The following JADE3 variants were observed in gnomAD, a reference collection of about 807,000 sequenced individuals.
JADE3 encodes protein Jade-3.
In JADE3, 2 loss-of-function variants were observed where a neutral mutation model predicts 50.1. The observed-to-expected ratio is 0.04, with a 90% CI of 0.02 to 0.13. The LOEUF is 0.13. JADE3 is among the 10% of genes least tolerant of loss of function. The pLI, the probability that JADE3 is intolerant of heterozygous loss-of-function variation, is 1.00. For missense variants in JADE3, 475 were observed against 634.4 expected (o/e 0.75, Z 2.70); for synonymous variants, 218 against 232.9 (o/e 0.94, Z 0.58).
Position 46,934,084 on chromosome X carries a change from T to C in JADE3, c.-12+21365T>C, listed in dbSNP as rs191859920. ...TTGATTTATCAGCAAATATTTTTTG[T>C]ATGTAACTTGGCTTTTCATTGTCTT... On this transcript the variant is annotated intron_variant, in intron 1 of 10. Coordinates refer to ENST00000614628, the MANE Select transcript of JADE3 (RefSeq NM_014735.5). Among the ~76,000 whole-genome samples, 518 of 112,077 alleles carry C rather than the reference T, an allele frequency of 4.6e-3. 2 individuals are homozygous for C. The highest frequency in any genetic ancestry group is 0.016 in the African/African-American group (499 of 30,866).
At chrX:46,916,703 G>A (rs1926093723) in intron 1 of JADE3, among the ~76,000 whole-genome samples, 1 of 111,935 alleles carries the variant, frequency 8.9e-6, no homozygotes, top group Non-Finnish European at 1.9e-5. Context: ...AATTCATTCA[G>A]CAAACATGTA....
chrX:47,005,279 C>T (rs782122813), intron 4 of JADE3, among the ~76,000 whole-genome samples: 29 of 111,461 alleles, frequency 2.6e-4, no homozygotes, highest in Non-Finnish European at 5.1e-4. Context: ...GAATCTCTGT[C>T]GCCCAGGCTG....
chrX:46,952,229 T>A (rs1402428113), intron 1 of JADE3, among the ~76,000 whole-genome samples: 20 of 112,316 alleles, frequency 1.8e-4, no homozygotes, highest in Admixed American at 1.5e-3. Flanking sequence ...TTTTGGATAT[T>A]ATGTTATGAG....
At chrX:46,959,922 G>T (rs782027985) in intron 1 of JADE3, among the ~76,000 whole-genome samples, 2 of 111,193 alleles carry the variant, frequency 1.8e-5, no homozygotes, top group South Asian at 7.8e-4. Context: ...GTGATTAATA[G>T]CCCTGGTCCA....
intron 1 of JADE3, among the ~76,000 whole-genome samples, chrX:46,943,119 C>A (rs1313150605): frequency 8.9e-6 from 1 of 112,283 alleles, no homozygotes; most frequent in Non-Finnish European, 1.9e-5. Context: ...TTAGGGTTTT[C>A]TAGACATAAG....
chrX:47,002,870 G>T (rs1474960255), intron 4 of JADE3, among the ~76,000 whole-genome samples: 1 of 111,277 alleles, frequency 9.0e-6, no homozygotes, highest in Non-Finnish European at 1.9e-5. Context: ...TCATTGTCTT[G>T]TTCCCAATCT....
chrX:46,917,834 C>CTTCCTCT (rs1556336773), intron 1 of JADE3, among the ~76,000 whole-genome samples: 29 of 42,512 alleles, frequency 6.8e-4, no homozygotes, highest in Admixed American at 1.6e-3. Context: ...TCTCTCTCAT[C>CTTCCTCT]CTCTCTCTCT....
chrX:46,956,629 C>T lies in JADE3; in HGVS notation c.-11-28255C>T, dbSNP rs900253644. Among the ~76,000 whole-genome samples, 6 of 108,794 alleles carry T rather than the reference C, an allele frequency of 5.5e-5. No individual in the cohort carries two copies. The East Asian group carries it at 1.8e-3, about 32-fold the overall frequency. The allele number at this position is 108,794 out of a possible 115,157, so 94.5% of individuals were successfully genotyped here. Reference sequence around the variant, plus strand: ...GCAGCCTCGAACTCCTGGGCTCAAGCGATCCTCCCACCTCAGACTCCCAAG... The same window carrying T: ...GCAGCCTCGAACTCCTGGGCTCAAGTGATCCTCCCACCTCAGACTCCCAAG... On this transcript the variant is annotated intron_variant, in intron 1 of 10. Coordinates refer to ENST00000614628, the MANE Select transcript of JADE3 (RefSeq NM_014735.5).
intron 1 of JADE3, among the ~76,000 whole-genome samples, chrX:46,978,708 T>G (rs1927677876): frequency 9.0e-6 from 1 of 111,276 alleles, no homozygotes. Flanking sequence ...GGGGCACCAT[T>G]CTTGCTGTCA....
In JADE3 at chrX:46,989,875, C is replaced by T. The variant is rs1927945972; in HGVS notation, c.126+4083C>T. Among the ~76,000 whole-genome samples, 3 of 109,989 alleles carry T rather than the reference C, an allele frequency of 2.7e-5. No individual in the cohort carries two copies. In the South Asian group the frequency reaches 1.2e-3, roughly 43 times the overall value. ...GTTATTTTCCCACAGGTCCCTCAGG[C>T]ACTTTTCTTTTTTTTTTCAGTGTAT... On this transcript the variant is annotated intron_variant, in intron 3 of 10. Transcript: ENST00000614628.
At chrX:47,013,648 A>G (rs1928610894) in intron 4 of JADE3, among the ~76,000 whole-genome samples, 1 of 111,276 alleles carries the variant, frequency 9.0e-6, no homozygotes, top group Non-Finnish European at 1.9e-5. Flanking sequence ...GTACCCTTAA[A>G]GATTTTTTAA....
intron 1 of JADE3, among the ~76,000 whole-genome samples, chrX:46,963,153 A>C (rs986357958): frequency 3.6e-5 from 4 of 111,996 alleles, no homozygotes; most frequent in African/African-American, 1.3e-4. Flanking sequence ...CCAGTTAAAT[A>C]GTTAACCACT....
chrX:46,926,832 A>G (rs1490245049), intron 1 of JADE3, among the ~76,000 whole-genome samples: 5 of 112,272 alleles, frequency 4.5e-5, no homozygotes, highest in East Asian at 2.8e-4. Flanking sequence ...GTATATATCA[A>G]TGGTTTGTTC....
At chrX:46,935,805 G>A (rs1408967214) in intron 1 of JADE3, among the ~76,000 whole-genome samples, 1 of 84,020 alleles carries the variant, frequency 1.2e-5, no homozygotes, top group African/African-American at 4.3e-5. Flanking sequence ...TCTTTTTCTT[G>A]TTTCAACTTT....
At chrX:47,055,939 G>T in intron 9 of JADE3, 143 bp from the exon 10 acceptor site, 1 of 408,027 alleles carries the variant, frequency 2.5e-6, no homozygotes, top group Non-Finnish European at 4.4e-6. Flanking sequence ...CCTGTGGAGT[G>T]GGTCTCATTC....
intron 7 of JADE3, among the ~76,000 whole-genome samples, chrX:47,038,083 A>G (rs1240586444): frequency 9.0e-6 from 1 of 111,602 alleles, no homozygotes; most frequent in African/African-American, 3.3e-5. Context: ...CACTTGACGT[A>G]ATGACCTCCA....
At chrX:47,055,510 A>G (rs1045313624) in intron 9 of JADE3, among the ~76,000 whole-genome samples, 3 of 112,319 alleles carry the variant, frequency 2.7e-5, no homozygotes, top group African/African-American at 9.7e-5. Flanking sequence ...ATGAAAAACT[A>G]TTATTATCAT....
chrX:47,048,174 G>C (rs782568573), intron 8 of JADE3, among the ~76,000 whole-genome samples: 1 of 111,638 alleles, frequency 9.0e-6, no homozygotes, highest in South Asian at 3.8e-4. Context: ...GTGCCCCAAA[G>C]TCTCTACCAT....
At chrX:46,935,350 C>A (rs577678284) in intron 1 of JADE3, among the ~76,000 whole-genome samples, 1 of 111,570 alleles carries the variant, frequency 9.0e-6, no homozygotes, top group African/African-American at 3.3e-5. Context: ...TTTTAAAAAG[C>A]GTTTTTGGCT....
Sources: allele counts gnomAD v4.1 joint callset (sites outside exome capture counted in the v4.1 genomes callset), GRCh38; gene constraint gnomAD v4.1.1; transcripts MANE v1.5; gene names NCBI Gene and HGNC (gene_info 2026-07-23, HGNC 2026-07-21).